The following SORCS2 variants were observed in gnomAD, a reference collection of about 807,000 sequenced individuals.
SORCS2 encodes the protein VPS10 domain-containing receptor SorCS2.
A neutral mutation model predicts 141.6 loss-of-function variants in SORCS2; 100 were observed. That is an observed-to-expected ratio of 0.71 (90% CI 0.60 to 0.83). SORCS2 has a LOEUF of 0.83. Ranked by LOEUF, SORCS2 falls within the 40% of genes least tolerant of loss-of-function variation. SORCS2 has a pLI of 0.00. For synonymous variants in SORCS2, 789 were observed against 676.9 expected, an observed-to-expected ratio of 1.17 and a Z score of -2.57; for missense variants, 1,646 against 1,560.2, an observed-to-expected ratio of 1.05 and a Z score of -0.93.
At chr4:7,724,129 G>T (rs1197943320) in intron 19 of SORCS2, among the ~76,000 whole-genome samples, 2 of 140,684 alleles carry the variant, frequency 1.4e-5, no homozygotes, top group Non-Finnish European at 3.0e-5. Context: ...TGGTGGTGGT[G>T]GTGGTGGTGG....
chr4:7,335,192 G>A (rs951240640), intron 1 of SORCS2, among the ~76,000 whole-genome samples: 18 of 152,188 alleles, frequency 1.2e-4, no homozygotes, highest in Non-Finnish European at 1.9e-4. Context: ...CGGGGCACAC[G>A]CCTAGTTTTC....
intron 3 of SORCS2, among the ~76,000 whole-genome samples, chr4:7,536,614 C>T (rs1283859801): frequency 1.3e-5 from 2 of 152,086 alleles, no homozygotes; most frequent in Non-Finnish European, 1.5e-5. Flanking sequence ...GTGCACGGCC[C>T]CTGGCACTCA....
intron 1 of SORCS2, among the ~76,000 whole-genome samples, chr4:7,328,487 AG>A (rs1719428208): frequency 6.6e-6 from 1 of 152,146 alleles, no homozygotes; most frequent in Admixed American, 6.6e-5. Context: ...ACTGAGGCAC[AG>A]ATCTGCACAG....
intron 7 of SORCS2, among the ~76,000 whole-genome samples, chr4:7,666,584 C>G (rs1722518446): frequency 6.6e-6 from 1 of 152,274 alleles, no homozygotes; most frequent in African/African-American, 2.4e-5. Context: ...GCTGCACCTC[C>G]TGTTCTGTGG....
intron 1 of SORCS2, among the ~76,000 whole-genome samples, chr4:7,274,728 G>A (rs989773073): frequency 2.0e-5 from 3 of 152,168 alleles, no homozygotes; most frequent in Non-Finnish European, 4.4e-5. Flanking sequence ...ATGTCGAGAA[G>A]GTTTGTTTGT....
intron 1 of SORCS2, among the ~76,000 whole-genome samples, chr4:7,364,452 C>T (rs1196462037): frequency 6.6e-6 from 1 of 152,132 alleles, no homozygotes; most frequent in African/African-American, 2.4e-5. Context: ...GACTTGTCAG[C>T]AAGGCTGCTA....
chr4:7,485,332 G>C (rs1212355766), intron 2 of SORCS2, among the ~76,000 whole-genome samples: 1 of 152,224 alleles, frequency 6.6e-6, no homozygotes, highest in Non-Finnish European at 1.5e-5. Flanking sequence ...TTCCCAGGCA[G>C]AGCCCCTGGG....
In SORCS2 at chr4:7,523,776, G is replaced by A. The variant is rs183422449; in HGVS notation, c.549-7754G>A. On this transcript the variant is annotated intron_variant, in intron 2 of 26. Coordinates refer to ENST00000507866, the MANE Select transcript of SORCS2 (RefSeq NM_020777.3). ...CCAGCACTGAGCCCGGCGCCCCGCA[G>A]ACACTCAGCCCGTCACTGGGGGTCA... Among the ~76,000 whole-genome samples, 43 of 152,272 alleles carry A rather than the reference G, an allele frequency of 2.8e-4. 1 individual carries two copies. In the East Asian group the frequency reaches 7.9e-3, roughly 28 times the overall value.
chr4:7,715,171 C>T lies in SORCS2; in HGVS notation c.2124-12C>T. 6.2e-7 allele frequency: 1 copy of T among 1,612,962 alleles called. No homozygotes were observed. Among genetic ancestry groups the T allele is most frequent in the Non-Finnish European group, 8.5e-7 (1 of 1,179,268 alleles). ...GTGCCCGTCACTTACCACTACTCTT[C>T]CCTCCTCCCAGCGACTACGGATTTG... On this transcript the variant is annotated splice_polypyrimidine_tract_variant and intron_variant, in intron 16 of 26. Transcript: ENST00000507866.
chr4:7,351,365 C>T (rs946894381), intron 1 of SORCS2, among the ~76,000 whole-genome samples: 18 of 152,206 alleles, frequency 1.2e-4, no homozygotes, highest in African/African-American at 3.9e-4. Flanking sequence ...TCCCCATCCC[C>T]GTGGCTGGCA....
intron 3 of SORCS2, among the ~76,000 whole-genome samples, chr4:7,541,382 T>G (rs1712643471): frequency 6.6e-6 from 1 of 152,206 alleles, no homozygotes; most frequent in South Asian, 2.1e-4. Flanking sequence ...TGCTGGTAAT[T>G]TGGGCTGCCA....
At chr4:7,456,394 C>T (rs1728912635) in intron 2 of SORCS2, among the ~76,000 whole-genome samples, 1 of 152,220 alleles carries the variant, frequency 6.6e-6, no homozygotes, top group Non-Finnish European at 1.5e-5. Flanking sequence ...GAGTTGGTCT[C>T]TGTTTCACAT....
chr4:7,471,641 C>G (rs936873142), intron 2 of SORCS2, among the ~76,000 whole-genome samples: 1 of 152,214 alleles, frequency 6.6e-6, no homozygotes, highest in African/African-American at 2.4e-5. Context: ...AGGGTGGAAC[C>G]AGGTGCGTCC....
Position 7,664,564 on chromosome 4 carries a change from C to T in SORCS2, c.1071+93C>T, listed in dbSNP as rs1722387564. The T allele has an allele frequency of 1.2e-5, 10 of 853,528 alleles. No homozygotes were observed. The highest frequency in any genetic ancestry group is 2.3e-4 in the Middle Eastern group (1 of 4,404). The allele number at this position is 853,528 out of a possible 1,614,324, so 52.9% of individuals were successfully genotyped here. Reference sequence around the variant, plus strand: ...AAAATGGCATCGCTCAGAAAAGAGGCAATAAAACGGGTATTTCACTCTCAA... The same window carrying T: ...AAAATGGCATCGCTCAGAAAAGAGGTAATAAAACGGGTATTTCACTCTCAA... On this transcript the variant is annotated intron_variant, in intron 7 of 26. Coordinates refer to ENST00000507866, the MANE Select transcript of SORCS2 (RefSeq NM_020777.3). This position sits in a 1 kb window ranked among gnomAD's most constrained non-coding sequence, Gnocchi z 4.7.
intron 18 of SORCS2, among the ~76,000 whole-genome samples, chr4:7,721,216 G>C (rs1427377293): frequency 4.6e-5 from 7 of 152,210 alleles, no homozygotes; most frequent in South Asian, 2.1e-4. Context: ...TGTGATCCCA[G>C]CAGTTTGGGA....
chr4:7,287,264 A>G (rs910820683), intron 1 of SORCS2, among the ~76,000 whole-genome samples: 2 of 152,238 alleles, frequency 1.3e-5, no homozygotes, highest in Non-Finnish European at 2.9e-5. Flanking sequence ...ACAGACCACA[A>G]GGCGAGACCC....
chr4:7,377,374 C>A (rs1358581861), intron 1 of SORCS2, among the ~76,000 whole-genome samples: 1 of 151,822 alleles, frequency 6.6e-6, no homozygotes, highest in African/African-American at 2.4e-5. Context: ...ACAGATCGGA[C>A]CTTCTGCCAA....
At chr4:7,332,865 AC>A (rs1719739262) in intron 1 of SORCS2, among the ~76,000 whole-genome samples, 1 of 151,968 alleles carries the variant, frequency 6.6e-6, no homozygotes, top group South Asian at 2.1e-4. Flanking sequence ...GGACTCTGCC[AC>A]CCCCAGGCTT....
At chr4:7,294,377 C>T (rs1368500178) in intron 1 of SORCS2, among the ~76,000 whole-genome samples, 1 of 152,032 alleles carries the variant, frequency 6.6e-6, no homozygotes, top group Non-Finnish European at 1.5e-5. Flanking sequence ...GGTGGAAGGA[C>T]TATGAGGCCA....
Sources: allele counts gnomAD v4.1 joint callset (sites outside exome capture counted in the v4.1 genomes callset), GRCh38; gene constraint gnomAD v4.1.1; non-coding constraint Gnocchi (gnomAD v3.1); transcripts MANE v1.5; gene names NCBI Gene and HGNC (gene_info 2026-07-23, HGNC 2026-07-21).